The following PLCXD3 variants were observed in gnomAD, a reference collection of about 807,000 sequenced individuals.
PLCXD3 encodes PI-PLC X domain-containing protein 3.
A neutral mutation model predicts 25.5 loss-of-function variants in PLCXD3; 19 were observed. The observed-to-expected ratio is 0.75, with a 90% CI of 0.52 to 1.09. PLCXD3 has a LOEUF of 1.09. Ranked by LOEUF, PLCXD3 falls within the 50% of genes least tolerant of loss-of-function variation. The pLI is 0.00. For synonymous variants in PLCXD3, 174 were observed against 137.6 expected, an observed-to-expected ratio of 1.26 and a Z score of -1.85; for missense variants, 411 against 388.1, an observed-to-expected ratio of 1.06 and a Z score of -0.50.
intron 1 of PLCXD3, among the ~76,000 whole-genome samples, chr5:41,507,339 G>A (rs944035185): frequency 6.6e-6 from 1 of 152,146 alleles, no homozygotes; most frequent in African/African-American, 2.4e-5. Flanking sequence ...GAGAGAGAAG[G>A]AAATAATAAA....
chr5:41,371,500 G>T (rs1046746682), intron 2 of PLCXD3, among the ~76,000 whole-genome samples: 3 of 152,064 alleles, frequency 2.0e-5, no homozygotes, highest in African/African-American at 7.2e-5. Context: ...TCCAAATATA[G>T]ACTTGTCCTT....
At chr5:41,329,338 T>A (rs1374526005) in intron 2 of PLCXD3, among the ~76,000 whole-genome samples, 1 of 152,214 alleles carries the variant, frequency 6.6e-6, no homozygotes, top group African/African-American at 2.4e-5. Flanking sequence ...CCAACTAGAC[T>A]GTAAGCTCTT....
chr5:41,503,965 ATGTGTG>A (rs72485445), intron 1 of PLCXD3, among the ~76,000 whole-genome samples: 1 of 146,780 alleles, frequency 6.8e-6, no homozygotes, highest in Non-Finnish European at 1.5e-5. Context: ...AGGAATTAAA[ATGTGTG>A]TGTGTGTGTG....
intron 1 of PLCXD3, among the ~76,000 whole-genome samples, chr5:41,487,135 G>A (rs978836633): frequency 1.1e-4 from 16 of 152,276 alleles, no homozygotes; most frequent in African/African-American, 3.9e-4. Context: ...AATAAGAAAT[G>A]TGATTGCACT....
At chr5:41,411,137 A>T (rs1746508453) in intron 1 of PLCXD3, among the ~76,000 whole-genome samples, 1 of 152,220 alleles carries the variant, frequency 6.6e-6, no homozygotes, top group South Asian at 2.1e-4. Flanking sequence ...AAAACCTGGC[A>T]AATAAACAGT....
chr5:41,440,134 G>A (rs1000815893), intron 1 of PLCXD3, among the ~76,000 whole-genome samples: 11 of 149,116 alleles, frequency 7.4e-5, no homozygotes, highest in Non-Finnish European at 8.9e-5. Context: ...CAGACCACAT[G>A]GGTTCAGATC....
At chr5:41,437,779 G>T (rs898585331) in intron 1 of PLCXD3, among the ~76,000 whole-genome samples, 25 of 152,310 alleles carry the variant, frequency 1.6e-4, no homozygotes, top group Admixed American at 1.2e-3. Context: ...TGGATTGAAA[G>T]AGTGGTATCA....
rs142520919 is a variant in PLCXD3 at position 41,503,848 on chromosome 5, T to C, written c.103+6576A>G. ...GGACTTCCTTGAGTGCTCATCATGGTGGCATGTTCTCTGGTTTCCAAAAAC... is the reference window on the plus strand; with the variant it reads ...GGACTTCCTTGAGTGCTCATCATGGCGGCATGTTCTCTGGTTTCCAAAAAC... On this transcript the variant is annotated intron_variant, in intron 1 of 2. Transcript: ENST00000377801. Among the ~76,000 whole-genome samples the C allele has an allele frequency of 4.5e-3, 678 of 152,298 alleles. 6 individuals carry two copies. Among genetic ancestry groups the C allele is most frequent in the African/African-American group, 0.015 (618 of 41,556 alleles).
intron 1 of PLCXD3, among the ~76,000 whole-genome samples, chr5:41,461,346 T>C (rs1416123392): frequency 1.3e-5 from 2 of 151,854 alleles, no homozygotes; most frequent in East Asian, 1.9e-4. Context: ...CTACTAAAGA[T>C]CAGAAAATTA....
At chr5:41,436,904 T>C (rs961510330) in intron 1 of PLCXD3, among the ~76,000 whole-genome samples, 2 of 152,194 alleles carry the variant, frequency 1.3e-5, no homozygotes, top group African/African-American at 4.8e-5. Flanking sequence ...ATACTTAATA[T>C]AGTCAAGGAA....
intron 1 of PLCXD3, among the ~76,000 whole-genome samples, chr5:41,445,857 A>G (rs901181557): frequency 1.3e-5 from 2 of 152,176 alleles, no homozygotes; most frequent in African/African-American, 2.4e-5. Flanking sequence ...TTAATTAAAA[A>G]GTAACAAAAA....
At chr5:41,448,424 T>C (rs1747553866) in intron 1 of PLCXD3, among the ~76,000 whole-genome samples, 1 of 152,188 alleles carries the variant, frequency 6.6e-6, no homozygotes, top group Non-Finnish European at 1.5e-5. Flanking sequence ...GCCTCGGAAA[T>C]TGGTGCCAAT....
chr5:41,387,980 G>T (rs13155537), intron 1 of PLCXD3, among the ~76,000 whole-genome samples: 27,075 of 151,970 alleles, frequency 0.18, 3,427 homozygotes, highest in African/African-American at 0.35. Context: ...AATTTTTAAA[G>T]AACTAGACTA....
chr5:41,339,340 G>A, intron 2 of PLCXD3, among the ~76,000 whole-genome samples: 1 of 152,096 alleles, frequency 6.6e-6, no homozygotes, highest in African/African-American at 2.4e-5. Flanking sequence ...CTAGGAGGTA[G>A]CTCCAGCTGG....
In PLCXD3 at chr5:41,425,494, TC is replaced by T. The variant is rs556829819; in HGVS notation, c.104-42961del. 5.3e-5 allele frequency among the ~76,000 whole-genome samples: 8 copies of T among 152,292 alleles called. No homozygotes were observed. The South Asian group carries it at 1.7e-3, about 32-fold the overall frequency. ...ATTGACACCTTATTATCACCCAAAG[TC>T]CATAGTTCACATTAGCATTTTCTCT... On this transcript the variant is annotated intron_variant, in intron 1 of 2. Transcript: ENST00000377801.
At chr5:41,505,840 G>A (rs969903172) in intron 1 of PLCXD3, among the ~76,000 whole-genome samples, 2 of 152,202 alleles carry the variant, frequency 1.3e-5, no homozygotes, top group African/African-American at 4.8e-5. Context: ...CCTAACTTGG[G>A]CAATTAGCTT....
intron 1 of PLCXD3, among the ~76,000 whole-genome samples, chr5:41,501,326 G>A (rs924136179): frequency 6.6e-6 from 1 of 151,854 alleles, no homozygotes; most frequent in Admixed American, 6.6e-5. Flanking sequence ...AATAAATATG[G>A]TATATACATA....
chr5:41,462,242 A>G (rs1481058520), intron 1 of PLCXD3, among the ~76,000 whole-genome samples: 1 of 152,058 alleles, frequency 6.6e-6, no homozygotes, highest in Non-Finnish European at 1.5e-5. Context: ...CAGCCTAAAA[A>G]CATAGCTAAC....
chr5:41,432,169 A>G (rs1042339373), intron 1 of PLCXD3, among the ~76,000 whole-genome samples: 2 of 152,178 alleles, frequency 1.3e-5, no homozygotes, highest in African/African-American at 4.8e-5. Flanking sequence ...AGACTTTACA[A>G]TCCAGGATAA....
Sources: gnomAD v4.1 joint callset for allele counts (sites outside exome capture counted in the v4.1 genomes callset) on GRCh38, gnomAD v4.1.1 for gene constraint, MANE v1.5 for transcripts, NCBI Gene and HGNC (gene_info 2026-07-23, HGNC 2026-07-21) for gene names.